Variants in PRIM2 observed in about 807,000 individuals in gnomAD.
PRIM2 encodes the protein DNA primase subunit 2, also known as DNA primase large subunit.
Under a neutral mutation model 67.3 loss-of-function variants are expected in PRIM2, and 39 were observed. That is an observed-to-expected ratio of 0.58 (90% CI 0.45 to 0.76). The LOEUF (loss-of-function observed/expected upper bound fraction) is 0.76. Among genes scored for constraint, PRIM2 ranks in the 30% least tolerant of loss-of-function variants. The pLI is 0.00. For missense variants in PRIM2, 398 were observed against 598.7 expected (o/e 0.66, Z 3.50); for synonymous variants, 143 against 198.7 (o/e 0.72, Z 2.36).
chr6:57,519,730 A>G (rs1359093168), intron 8 of PRIM2, among the ~76,000 whole-genome samples: 2 of 152,212 alleles, frequency 1.3e-5, no homozygotes, highest in African/African-American at 4.8e-5. Context: ...GATTAAAGTA[A>G]AGACAGGCAT....
At chr6:57,263,270 T>C in the PRIM2 span, among the ~76,000 whole-genome samples, 1 of 152,214 alleles carries the variant, frequency 6.6e-6, no homozygotes. Context: ...ATACCAAGAA[T>C]TGGCTTAAAA....
At chr6:57,323,771 TTAAAG>T (rs1360106364) in intron 3 of PRIM2, among the ~76,000 whole-genome samples, 1 of 151,574 alleles carries the variant, frequency 6.6e-6, no homozygotes, top group East Asian at 1.9e-4. Context: ...ATCCCAGAAC[TTAAAG>T]TAAAAAGGAA....
intron 10 of PRIM2, among the ~76,000 whole-genome samples, chr6:57,541,276 A>T (rs1269970941): frequency 1.4e-4 from 21 of 152,098 alleles, no homozygotes; most frequent in Non-Finnish European, 2.5e-4. Flanking sequence ...TTTAGTTGAG[A>T]CGGGGTTTCA....
At chr6:57,303,074 CTA>C in the PRIM2 span, among the ~76,000 whole-genome samples, 2 of 152,042 alleles carry the variant, frequency 1.3e-5, no homozygotes, top group South Asian at 2.1e-4. Context: ...CTATGTCTTT[CTA>C]TGTTTATAGC....
the PRIM2 span, among the ~76,000 whole-genome samples, chr6:57,300,137 G>T: frequency 6.6e-6 from 1 of 152,244 alleles, no homozygotes; most frequent in African/African-American, 2.4e-5. Flanking sequence ...GGAGGGACAA[G>T]TGTTGAAGTT....
chr6:57,431,288 A>G (rs1300042850), intron 7 of PRIM2, among the ~76,000 whole-genome samples: 2 of 151,718 alleles, frequency 1.3e-5, no homozygotes, highest in African/African-American at 4.8e-5. Context: ...TAACCTAACT[A>G]TCTGTCCCCA....
chr6:57,240,204 C>T, the PRIM2 span, among the ~76,000 whole-genome samples: 4 of 149,884 alleles, frequency 2.7e-5, no homozygotes, highest in East Asian at 2.0e-4. Flanking sequence ...CGGGTTCAAG[C>T]GATTCTCCTG....
At chr6:57,555,849 G>A (rs1775504775) in intron 10 of PRIM2, among the ~76,000 whole-genome samples, 1 of 152,176 alleles carries the variant, frequency 6.6e-6, no homozygotes, top group African/African-American at 2.4e-5. Flanking sequence ...CTGAACACCT[G>A]GCTAAATTAA....
At chr6:57,418,484 C>T (rs1470060983) in intron 7 of PRIM2, among the ~76,000 whole-genome samples, 1 of 144,222 alleles carries the variant, frequency 6.9e-6, no homozygotes, top group Non-Finnish European at 1.5e-5. Flanking sequence ...ACAACCTCTG[C>T]CTCCCGGGTT....
chr6:57,401,602 G>A (rs1288823867), intron 7 of PRIM2, among the ~76,000 whole-genome samples: 1 of 152,040 alleles, frequency 6.6e-6, no homozygotes, highest in Non-Finnish European at 1.5e-5. Context: ...AGTTCTGGAT[G>A]TGCTCAGTGT....
chr6:57,559,522 G>A (rs1775587996), intron 10 of PRIM2, among the ~76,000 whole-genome samples: 1 of 152,128 alleles, frequency 6.6e-6, no homozygotes, highest in East Asian at 1.9e-4. Flanking sequence ...CTCATTTTCA[G>A]CAAAGATAAA....
intron 1 of PRIM2, 64 bp from the exon 2 acceptor site, chr6:57,318,369 GTTTT>G: frequency 7.0e-7 from 1 of 1,432,162 alleles, no homozygotes; most frequent in Non-Finnish European, 9.4e-7. Flanking sequence ...ATTTTTTCGT[GTTTT>G]TTCTTTTTTT....
At chr6:57,569,631 C>T (rs1411397654) in intron 10 of PRIM2, among the ~76,000 whole-genome samples, 1 of 152,040 alleles carries the variant, frequency 6.6e-6, no homozygotes, top group Non-Finnish European at 1.5e-5. Flanking sequence ...AGAATTTGAA[C>T]ATAAACTTGT....
At chr6:57,380,456 C>T (rs1172087459) in intron 6 of PRIM2, among the ~76,000 whole-genome samples, 1 of 152,096 alleles carries the variant, frequency 6.6e-6, no homozygotes, top group Non-Finnish European at 1.5e-5. Context: ...TACGTTTTTT[C>T]CTATGGGAAT....
At chr6:57,529,092 C>T (rs1331019354) in intron 8 of PRIM2, among the ~76,000 whole-genome samples, 9 of 151,882 alleles carry the variant, frequency 5.9e-5, no homozygotes, top group Non-Finnish European at 1.2e-4. Flanking sequence ...GGGTGGATTA[C>T]GAGGTCAGGA....
intron 10 of PRIM2, among the ~76,000 whole-genome samples, chr6:57,541,676 T>C (rs1775157373): frequency 3.9e-5 from 6 of 152,126 alleles, no homozygotes; most frequent in Admixed American, 3.9e-4. Context: ...CCAACAGCTT[T>C]GAGACCCAGG....
intron 10 of PRIM2, among the ~76,000 whole-genome samples, chr6:57,562,522 A>G (rs1442461915): frequency 1.2e-3 from 176 of 152,226 alleles, no homozygotes; most frequent in Admixed American, 2.9e-3. Context: ...CTAAGGGCAT[A>G]TTTTCAGCCT....
At chr6:57,370,590 A>T (rs890137754) in intron 5 of PRIM2, among the ~76,000 whole-genome samples, 1 of 152,066 alleles carries the variant, frequency 6.6e-6, no homozygotes, top group Non-Finnish European at 1.5e-5. Context: ...TGAAACAGGA[A>T]GTGACATGAA....
the PRIM2 span, among the ~76,000 whole-genome samples, chr6:57,260,640 C>T: frequency 6.6e-6 from 1 of 152,066 alleles, no homozygotes; most frequent in Non-Finnish European, 1.5e-5. Context: ...TTACATGAAC[C>T]TGAAAAGATT....
Sources: gnomAD v4.1 joint callset for allele counts (sites outside exome capture counted in the v4.1 genomes callset) on GRCh38, gnomAD v4.1.1 for gene constraint, MANE v1.5 for transcripts, NCBI Gene and HGNC (gene_info 2026-07-23, HGNC 2026-07-21) for gene names.